The following UGT2A1 variants were observed in gnomAD, a reference collection of about 807,000 sequenced individuals.
UGT2A1 encodes UDP glucuronosyltransferase family 2 member A1 complex locus.
A neutral mutation model predicts 45.4 loss-of-function variants in UGT2A1; 61 were observed. The observed-to-expected ratio is 1.34, with a 90% confidence interval of 1.09 to 1.66. UGT2A1 has a LOEUF of 1.66. Among genes scored for constraint, UGT2A1 ranks in the 40% most tolerant of loss-of-function variants. The pLI is 0.00. For missense variants in UGT2A1, 649 were observed against 574.3 expected (o/e 1.13, Z -1.33); for synonymous variants, 229 against 196.2 (o/e 1.17, Z -1.40).
chr4:69,605,870 C>G (rs992828151), intron 3 of UGT2A1, among the ~76,000 whole-genome samples: 3 of 136,644 alleles, frequency 2.2e-5, no homozygotes, highest in Admixed American at 7.2e-5. Context: ...AAGACTAAAT[C>G]AGGAAGACAT....
At chr4:69,641,998 G>C (rs955056619) in intron 2 of UGT2A1, among the ~76,000 whole-genome samples, 1 of 151,680 alleles carries the variant, frequency 6.6e-6, no homozygotes, top group South Asian at 2.1e-4. Flanking sequence ...CTAGGGTTTG[G>C]TGCAGAATTT....
intron 3 of UGT2A1, among the ~76,000 whole-genome samples, chr4:69,608,512 T>C (rs1204746231): frequency 6.6e-6 from 1 of 151,856 alleles, no homozygotes; most frequent in Non-Finnish European, 1.5e-5. Context: ...CTGGCACATG[T>C]ATGTAACTAA....
intron 3 of UGT2A1, among the ~76,000 whole-genome samples, chr4:69,603,979 T>C (rs55742558): frequency 0.18 from 24,652 of 135,564 alleles, 5,899 homozygotes; most frequent in Non-Finnish European, 0.22. Context: ...TGGAACCAAG[T>C]TGGAAAACAC....
intron 3 of UGT2A1, among the ~76,000 whole-genome samples, chr4:69,605,753 C>T (rs1277495810): frequency 1.5e-5 from 2 of 136,540 alleles, no homozygotes; most frequent in African/African-American, 5.9e-5. Context: ...CACCACCGAT[C>T]CCACAGAAAT....
intron 3 of UGT2A1, among the ~76,000 whole-genome samples, chr4:69,631,473 T>C (rs550709425): frequency 2.0e-5 from 3 of 152,252 alleles, no homozygotes; most frequent in African/African-American, 7.2e-5. Flanking sequence ...CACAAGAAAG[T>C]AGGCTGTCAA....
chr4:69,639,722 G>T (rs141102718), intron 2 of UGT2A1: 1 of 1,347,242 alleles, frequency 7.4e-7, no homozygotes, highest in Non-Finnish European at 9.9e-7. Context: ...TATTTAGTGC[G>T]ATGGTTACAC....
rs923568531 is a variant in UGT2A1 at position 69,589,717 on chromosome 4, T to C, written c.1305-66A>G. The C allele has an allele frequency of 1.4e-5, 21 of 1,544,628 alleles. No homozygotes were observed. The African/African-American group carries it at 2.8e-4, about 20-fold the overall frequency. The stretch of plus-strand genomic sequence containing the variant: ...TTTTTATTTTCATTGAAGATAAATA[T>C]GTGATACACTTTTGCTCTACAAGTT... On this transcript the variant is annotated intron_variant, in intron 6 of 6. Coordinates refer to ENST00000286604, the MANE Select transcript of UGT2A1 (RefSeq NM_001252275.3).
intron 3 of UGT2A1, among the ~76,000 whole-genome samples, chr4:69,606,238 C>T (rs537015970): frequency 7.3e-6 from 1 of 136,536 alleles, no homozygotes; most frequent in Non-Finnish European, 1.6e-5. Context: ...ATCAAGTGGG[C>T]TTCATCCCTG....
At chr4:69,634,447 TACA>T (rs1475208938) in intron 3 of UGT2A1, among the ~76,000 whole-genome samples, 1 of 151,900 alleles carries the variant, frequency 6.6e-6, no homozygotes, top group East Asian at 1.9e-4. Flanking sequence ...AAGCAATAAA[TACA>T]ACACTGGGCC....
At chr4:69,608,120 C>T (rs1176892271) in intron 3 of UGT2A1, among the ~76,000 whole-genome samples, 16 of 152,072 alleles carry the variant, frequency 1.1e-4, no homozygotes, top group Non-Finnish European at 1.5e-4. Flanking sequence ...CCCATGCACA[C>T]GTATGTTTAT....
rs141536104 is a variant in UGT2A1, at chr4:69,613,384, C to A, written c.848-13990G>T. The stretch of plus-strand genomic sequence containing the variant: ...AAAGCCCAGGACCTGAAGACTTTCA[C>A]TGTTGAATTCTACCAAACATTTGAA... On this transcript the variant is annotated intron_variant, in intron 3 of 6. Transcript: ENST00000286604. 2.0e-4 allele frequency among the ~76,000 whole-genome samples: 30 copies of A among 152,090 alleles called. 1 individual carries two copies. Among genetic ancestry groups the A allele is most frequent in the Admixed American group, 1.9e-3 (29 of 15,258 alleles).
Position 69,599,293 on chromosome 4 carries a change from C to G in UGT2A1, c.949G>C (p.Glu317Gln), listed in dbSNP as rs545584879. ...EFPRPYLPNFEFVGGLHCKPA... is the reference protein window; with the variant it reads ...EFPRPYLPNFQFVGGLHCKPA... The stretch of plus-strand genomic sequence containing the variant: ...TTGCAGTGCAATCCTCCAACAAACT[C>G]AAAATTAGGTAAGTATGGACGAGGA... The change falls in exon 4 of 7, where the codon GAG (glutamate) becomes CAG (glutamine). Residue 317 changes from glutamate (E) to glutamine (Q), a missense_variant. Physicochemically the swap from Glu to Gln is conservative, Grantham distance 29. Coordinates refer to ENST00000286604, the MANE Select transcript of UGT2A1 (RefSeq NM_001252275.3). 1 of 1,613,772 alleles carries G rather than the reference C, an allele frequency of 6.2e-7. No homozygotes were observed. The highest frequency in any genetic ancestry group is 1.3e-5 in the African/African-American group (1 of 75,006).
At chr4:69,636,175 C>A (rs973798981) in intron 2 of UGT2A1, among the ~76,000 whole-genome samples, 49 of 152,104 alleles carry the variant, frequency 3.2e-4, no homozygotes, top group Admixed American at 3.1e-3. Context: ...CATATCATTT[C>A]TCAAGTCTGT....
At chr4:69,650,729 A>C (rs958677356) in intron 1 of UGT2A1, among the ~76,000 whole-genome samples, 64 of 152,272 alleles carry the variant, frequency 4.2e-4, no homozygotes, top group African/African-American at 1.5e-3. Flanking sequence ...AAAATATACT[A>C]TCTTTTTCAT....
In UGT2A1 at chr4:69,601,997, AT is replaced by A. The variant is rs1198876581; in HGVS notation, c.848-2604del. On this transcript the variant is annotated intron_variant, in intron 3 of 6. Transcript: ENST00000286604. ...AATTAATATAATCAAGAAAAAGTAT[AT>A]TATTGAAATAGAAATCAAATTAAAA... 2.2e-5 allele frequency among the ~76,000 whole-genome samples: 3 copies of A among 137,464 alleles called. 1 individual carries two copies. The highest frequency in any genetic ancestry group is 4.7e-5 in the Non-Finnish European group (3 of 64,468). 90.2% of individuals were successfully genotyped at this position (137,464 alleles called of 152,430 possible). A position where few individuals can be genotyped will look rare whatever the true frequency, so the allele number is the denominator to read the frequency against.
intron 3 of UGT2A1, among the ~76,000 whole-genome samples, chr4:69,631,196 A>G (rs1721362655): frequency 6.6e-6 from 1 of 152,140 alleles, no homozygotes; most frequent in Non-Finnish European, 1.5e-5. Context: ...TGAATCCTAG[A>G]ATCACAAAGA....
chr4:69,624,523 T>C (rs1370315705), intron 3 of UGT2A1, among the ~76,000 whole-genome samples: 3 of 151,416 alleles, frequency 2.0e-5, no homozygotes, highest in Admixed American at 2.0e-4. Flanking sequence ...AGTTACCTCA[T>C]CTCTTTTTTG....
chr4:69,627,838 T>C (rs1401131657), intron 3 of UGT2A1, among the ~76,000 whole-genome samples: 1 of 151,922 alleles, frequency 6.6e-6, no homozygotes, highest in Admixed American at 6.6e-5. Flanking sequence ...AGAAAATTTA[T>C]AAATGTCATA....
At chr4:69,618,636 G>A (rs535487286) in intron 3 of UGT2A1, among the ~76,000 whole-genome samples, 7 of 151,886 alleles carry the variant, frequency 4.6e-5, no homozygotes, top group African/African-American at 1.2e-4. Flanking sequence ...TGAAACCCTC[G>A]ATACAGTAAA....
Sources: gnomAD v4.1 joint callset for allele counts (sites outside exome capture counted in the v4.1 genomes callset) on GRCh38, gnomAD v4.1.1 for gene constraint, MANE v1.5 for transcripts, NCBI Gene and HGNC (gene_info 2026-07-23, HGNC 2026-07-21) for gene names.